Variants in TRABD2B observed in about 807,000 individuals in gnomAD.
TRABD2B encodes TraB domain containing 2B, also known as metalloprotease TIKI2.
Under a neutral mutation model 40.1 loss-of-function variants are expected in TRABD2B, and 14 were observed. The observed-to-expected ratio is 0.35, with a 90% CI of 0.23 to 0.55. The LOEUF is 0.55. TRABD2B is among the 20% of genes least tolerant of loss of function. TRABD2B has a pLI of 0.90. For synonymous variants in TRABD2B, 263 were observed against 277.0 expected, an observed-to-expected ratio of 0.95 and a Z score of 0.50; for missense variants, 541 against 648.6, an observed-to-expected ratio of 0.83 and a Z score of 1.80.
At chr1:47,951,876 A>G (rs1438937755) in intron 2 of TRABD2B, among the ~76,000 whole-genome samples, 1 of 152,236 alleles carries the variant, frequency 6.6e-6, no homozygotes, top group Non-Finnish European at 1.5e-5. Context: ...AATGTCACAA[A>G]GTGAGATAAT....
chr1:47,861,619 A>G (rs540705793), intron 2 of TRABD2B, among the ~76,000 whole-genome samples: 1 of 152,334 alleles, frequency 6.6e-6, no homozygotes, highest in East Asian at 1.9e-4. Flanking sequence ...TTGGATCGAT[A>G]ATTAAGAATC....
At chr1:47,955,954 C>G (rs564458056) in intron 2 of TRABD2B, among the ~76,000 whole-genome samples, 2 of 152,194 alleles carry the variant, frequency 1.3e-5, no homozygotes, top group Non-Finnish European at 2.9e-5. Flanking sequence ...TTGCTTGGCA[C>G]ATAGATGAAT....
rs145155686 is a variant in TRABD2B, at chr1:47,820,979, C to T, written c.667-19360G>A. Among the ~76,000 whole-genome samples the T allele has an allele frequency of 2.0e-4, 31 of 152,306 alleles. 1 individual carries two copies. Among genetic ancestry groups the T allele is most frequent in the Non-Finnish European group, 2.9e-4 (20 of 68,012 alleles). ...AAAGAGTTCTTTCCTTCCTCCTGGA[C>T]GTTTGGACACCCACCGTCCTTGCAT... On this transcript the variant is annotated intron_variant, in intron 2 of 6. Transcript: ENST00000606738.
intron 2 of TRABD2B, among the ~76,000 whole-genome samples, chr1:47,985,340 G>T (rs919140959): frequency 6.6e-6 from 1 of 152,248 alleles, no homozygotes; most frequent in South Asian, 2.1e-4. Flanking sequence ...AATAAGGGAG[G>T]TGGGAAGGAG....
At chr1:47,824,889 C>T (rs1478539345) in intron 2 of TRABD2B, among the ~76,000 whole-genome samples, 2 of 152,272 alleles carry the variant, frequency 1.3e-5, no homozygotes, top group South Asian at 2.1e-4. Flanking sequence ...CAGGCAGCAC[C>T]CTCCAACATA....
intron 2 of TRABD2B, among the ~76,000 whole-genome samples, chr1:47,810,372 C>G (rs1029158651): frequency 2.0e-5 from 3 of 152,018 alleles, no homozygotes; most frequent in Non-Finnish European, 4.4e-5. Flanking sequence ...CCCCTGCCCC[C>G]CCGCCACCCA....
At position 47,794,657 on chromosome 1, in the gene TRABD2B, C is replaced by A. The variant is rs1157520009; in HGVS notation, c.917G>T (p.Arg306Leu). Residue 306 changes from arginine to leucine, a missense_variant, in exon 4 of 7, where the codon CGC (arginine) becomes CTC (leucine). Coordinates refer to ENST00000606738, the MANE Select transcript of TRABD2B (RefSeq NM_001194986.2). ...AAGCGCCATGACCCTCTTCCCCATG[C>A]GCTCATTCCTCTTGTAGATGAGCTC... is the stretch of plus-strand genomic sequence containing the variant. ...RQELIYKRNE[R>L]MGKRVMALLR... is the part of the protein sequence containing the mutation. 2.0e-6 allele frequency: 3 copies of A among 1,536,796 alleles called. No individual in the cohort carries two copies. Among genetic ancestry groups the A allele is most frequent in the Non-Finnish European group, 2.6e-6 (3 of 1,146,950 alleles).
chr1:47,803,902 G>C (rs1296516980), intron 2 of TRABD2B, among the ~76,000 whole-genome samples: 3 of 152,172 alleles, frequency 2.0e-5, no homozygotes, highest in African/African-American at 7.2e-5. Context: ...TCTGCATTTT[G>C]AGGCATGCCA....
chr1:47,954,835 G>C (rs1570359762), intron 2 of TRABD2B, among the ~76,000 whole-genome samples: 1 of 152,188 alleles, frequency 6.6e-6, no homozygotes, highest in East Asian at 1.9e-4. Flanking sequence ...TCCTCTTCCT[G>C]CTCTTAGCTC....
chr1:47,874,754 G>GCA (rs995146714), intron 2 of TRABD2B, among the ~76,000 whole-genome samples: 28 of 147,788 alleles, frequency 1.9e-4, no homozygotes, highest in South Asian at 8.7e-4. Context: ...ATATATACAC[G>GCA]CACACACACA....
At chr1:47,866,564 C>T (rs780899596) in intron 2 of TRABD2B, among the ~76,000 whole-genome samples, 11 of 152,122 alleles carry the variant, frequency 7.2e-5, no homozygotes, top group East Asian at 5.8e-4. Flanking sequence ...GCCAGGGCAG[C>T]GCTCCCTGTT....
intron 2 of TRABD2B, among the ~76,000 whole-genome samples, chr1:47,985,288 C>T (rs941434973): frequency 7.9e-5 from 12 of 152,224 alleles, no homozygotes; most frequent in African/African-American, 2.9e-4. Context: ...TAAAGACTGA[C>T]TTTTGGTTCT....
chr1:47,887,281 A>C (rs1403186242), intron 2 of TRABD2B, among the ~76,000 whole-genome samples: 2 of 152,194 alleles, frequency 1.3e-5, no homozygotes, highest in Non-Finnish European at 2.9e-5. Context: ...GCCCAAGGTC[A>C]CACAGCTATA....
intron 2 of TRABD2B, among the ~76,000 whole-genome samples, chr1:47,927,586 C>T (rs1644986282): frequency 1.3e-5 from 2 of 152,198 alleles, no homozygotes; most frequent in Admixed American, 6.5e-5. Flanking sequence ...CAGAAAAACA[C>T]TGAGGCCATA....
chr1:47,787,518 C>T (rs1040549543), intron 4 of TRABD2B, among the ~76,000 whole-genome samples: 1 of 152,166 alleles, frequency 6.6e-6, no homozygotes, highest in Non-Finnish European at 1.5e-5. Flanking sequence ...CCCCTCCCTA[C>T]AAATGCTCCT....
At chr1:47,790,780 T>A (rs1240353117) in intron 4 of TRABD2B, among the ~76,000 whole-genome samples, 1 of 152,222 alleles carries the variant, frequency 6.6e-6, no homozygotes, top group Non-Finnish European at 1.5e-5. Flanking sequence ...TGTTACGTAA[T>A]CAGAGAGCCT....
intron 2 of TRABD2B, among the ~76,000 whole-genome samples, chr1:47,951,179 C>T (rs1337888809): frequency 6.6e-6 from 1 of 152,222 alleles, no homozygotes; most frequent in Non-Finnish European, 1.5e-5. Context: ...AGCAGGCCCA[C>T]TGCACCAGAG....
At chr1:47,838,438 C>T (rs1016251428) in intron 2 of TRABD2B, among the ~76,000 whole-genome samples, 16 of 152,304 alleles carry the variant, frequency 1.1e-4, no homozygotes, top group African/African-American at 3.8e-4. Flanking sequence ...GCGGCTGCAG[C>T]TCATGTCTGA....
chr1:47,907,980 G>A (rs866546166), intron 2 of TRABD2B, among the ~76,000 whole-genome samples: 4 of 152,050 alleles, frequency 2.6e-5, no homozygotes, highest in South Asian at 2.1e-4. Flanking sequence ...CAAATTTTCC[G>A]TATTTCTTTT....
Sources: allele counts gnomAD v4.1 joint callset (sites outside exome capture counted in the v4.1 genomes callset), GRCh38; gene constraint gnomAD v4.1.1; transcripts MANE v1.5; gene names NCBI Gene and HGNC (gene_info 2026-07-23, HGNC 2026-07-21).